Variants in NRXN3 observed in about 807,000 individuals in gnomAD.
The protein encoded by NRXN3 is neurexin 3, also known as neurexin III.
A neutral mutation model predicts 137.6 loss-of-function variants in NRXN3; 32 were observed. The observed-to-expected ratio is 0.23, with a 90% CI of 0.18 to 0.31. The LOEUF is 0.31. Ranked by LOEUF, NRXN3 falls within the 10% of genes least tolerant of loss-of-function variation. The probability of loss-of-function intolerance (pLI) is 1.00; values close to 1 mark genes in which losing one functional copy is unlikely to be tolerated. For synonymous variants in NRXN3, 798 were observed against 784.5 expected (o/e 1.02, Z -0.29); for missense variants, 1,574 against 2,062.5 (o/e 0.76, Z 4.59).
intron 19 of NRXN3, among the ~76,000 whole-genome samples, chr14:79,724,213 C>A (rs7158292): frequency 0.14 from 20,832 of 152,112 alleles, 1,574 homozygotes; most frequent in Middle Eastern, 0.21. Flanking sequence ...TTACTCCATC[C>A]TCAAAGATAA....
intron 20 of NRXN3, among the ~76,000 whole-genome samples, chr14:79,848,731 C>G (rs1382139207): frequency 1.3e-5 from 2 of 152,160 alleles, no homozygotes; most frequent in Non-Finnish European, 2.9e-5. Context: ...ACCTCACCAT[C>G]TCTTAGCTGG....
chr14:78,616,227 TG>T (rs1460373229), intron 4 of NRXN3, among the ~76,000 whole-genome samples: 1 of 152,220 alleles, frequency 6.6e-6, no homozygotes, highest in Non-Finnish European at 1.5e-5. Context: ...CCAAACTTCT[TG>T]GCAAGGTTTG....
chr14:78,462,512 C>T (rs543197893), intron 4 of NRXN3, among the ~76,000 whole-genome samples: 9 of 152,290 alleles, frequency 5.9e-5, no homozygotes, highest in Middle Eastern at 3.4e-3. Flanking sequence ...CTTCTCTCTT[C>T]CCCTGTCTTA....
chr14:79,193,496 A>C (rs954824621), intron 15 of NRXN3, among the ~76,000 whole-genome samples: 1 of 152,274 alleles, frequency 6.6e-6, no homozygotes, highest in Non-Finnish European at 1.5e-5. Flanking sequence ...TGTATAAATC[A>C]TAGTTCTAAG....
At chr14:78,650,639 G>A (rs527745771) in intron 5 of NRXN3, among the ~76,000 whole-genome samples, 40 of 151,516 alleles carry the variant, frequency 2.6e-4, no homozygotes, top group East Asian at 5.8e-4. Flanking sequence ...GTTTGTCAGC[G>A]TGGTGTGAGC....
At chr14:79,289,557 T>G (rs1006183001) in intron 15 of NRXN3, among the ~76,000 whole-genome samples, 1 of 151,940 alleles carries the variant, frequency 6.6e-6, no homozygotes, top group Admixed American at 6.6e-5. Flanking sequence ...GAGGCAGAGG[T>G]TGCAGTGAGC....
chr14:79,550,248 C>A (rs56367528), intron 16 of NRXN3, among the ~76,000 whole-genome samples: 14,850 of 152,094 alleles, frequency 0.098, 966 homozygotes, highest in Admixed American at 0.17. Context: ...GGATTACAGG[C>A]ATGAGCCACC....
Position 79,144,876 on chromosome 14 carries a change from C to A in NRXN3, c.3262+156735C>A, listed in dbSNP as rs57338265. 7.9e-3 allele frequency among the ~76,000 whole-genome samples: 1,203 copies of A among 151,782 alleles called. 11 individuals carry two copies. Among genetic ancestry groups the A allele is most frequent in the African/African-American group, 0.027 (1,129 of 41,382 alleles). On this transcript the variant is annotated intron_variant, in intron 15 of 20. Coordinates refer to ENST00000335750, the MANE Select transcript of NRXN3 (RefSeq NM_001330195.2). The stretch of plus-strand genomic sequence containing the variant: ...TTCTCTCCTCTTTCTTTCTCTCATT[C>A]TGTTTCTTCCTCTTTTTTTTGAAAA...
chr14:78,709,190 A>T (rs760926606), intron 6 of NRXN3, 27 bp from the exon 7 acceptor site: 1 of 1,587,096 alleles, frequency 6.3e-7, no homozygotes, highest in Admixed American at 1.7e-5. Flanking sequence ...ATTGATTCAC[A>T]TGGCACTTTT....
At chr14:78,447,560 A>G (rs2094450040) in intron 4 of NRXN3, among the ~76,000 whole-genome samples, 1 of 152,210 alleles carries the variant, frequency 6.6e-6, no homozygotes, top group African/African-American at 2.4e-5. Context: ...CTGGAAGGAG[A>G]GAAAAACTCA....
intron 16 of NRXN3, among the ~76,000 whole-genome samples, chr14:79,488,400 G>A (rs1355606892): frequency 6.6e-6 from 1 of 152,128 alleles, no homozygotes; most frequent in East Asian, 1.9e-4. Context: ...TTCTTCCAAG[G>A]TAGTAGGGTG....
chr14:79,522,325 T>TA (rs1039494570), intron 16 of NRXN3, among the ~76,000 whole-genome samples: 2 of 152,142 alleles, frequency 1.3e-5, no homozygotes, highest in African/African-American at 4.8e-5. Flanking sequence ...TATCCGGTTG[T>TA]AACTGTTCAT....
At chr14:78,721,781 G>C (rs1162404148) in intron 8 of NRXN3, among the ~76,000 whole-genome samples, 1 of 152,034 alleles carries the variant, frequency 6.6e-6, no homozygotes, top group Non-Finnish European at 1.5e-5. Flanking sequence ...ATAATGACAT[G>C]TATCTGAGAA....
chr14:78,791,151 C>G (rs2098803993), intron 8 of NRXN3, among the ~76,000 whole-genome samples: 1 of 152,080 alleles, frequency 6.6e-6, no homozygotes, highest in Non-Finnish European at 1.5e-5. Flanking sequence ...CTTATCACAC[C>G]TAAAACAACA....
chr14:78,619,792 A>G (rs970189206), intron 4 of NRXN3, among the ~76,000 whole-genome samples: 7 of 152,098 alleles, frequency 4.6e-5, no homozygotes, highest in African/African-American at 1.4e-4. Flanking sequence ...TCTTTCCTTT[A>G]TAAATTACCC....
intron 2 of NRXN3, among the ~76,000 whole-genome samples, chr14:78,244,005 C>T (rs1211881086): frequency 6.6e-6 from 1 of 152,182 alleles, no homozygotes; most frequent in African/African-American, 2.4e-5. Flanking sequence ...AGAATCCTGA[C>T]CCCTGAACCC....
chr14:78,730,900 G>T (rs150795722), intron 8 of NRXN3, among the ~76,000 whole-genome samples: 3 of 152,206 alleles, frequency 2.0e-5, no homozygotes, highest in African/African-American at 7.2e-5. Flanking sequence ...TGCAGGCGGA[G>T]ATTGATGGTG....
At chr14:78,489,848 G>A (rs1426933574) in intron 4 of NRXN3, among the ~76,000 whole-genome samples, 1 of 151,900 alleles carries the variant, frequency 6.6e-6, no homozygotes, top group Non-Finnish European at 1.5e-5. Context: ...GCATGGTGGT[G>A]AGATGGATAA....
chr14:79,211,069 G>A (rs2067586108), intron 15 of NRXN3, among the ~76,000 whole-genome samples: 1 of 152,058 alleles, frequency 6.6e-6, no homozygotes, highest in Non-Finnish European at 1.5e-5. Flanking sequence ...CTTTGGACAA[G>A]TATGTTAATT....
Sources: allele counts gnomAD v4.1 joint callset (sites outside exome capture counted in the v4.1 genomes callset), GRCh38; gene constraint gnomAD v4.1.1; transcripts MANE v1.5; gene names NCBI Gene and HGNC (gene_info 2026-07-23, HGNC 2026-07-21).